MINPP1: variants seen among roughly 807,000 people sequenced by gnomAD.
The protein encoded by MINPP1 is multiple inositol-polyphosphate phosphatase 1, also known as multiple inositol polyphosphate phosphatase 1.
Under a neutral mutation model 46.1 loss-of-function variants are expected in MINPP1, and 28 were observed. That is an observed-to-expected ratio of 0.61 (90% CI 0.45 to 0.83). The LOEUF (loss-of-function observed/expected upper bound fraction) is 0.83. MINPP1 is among the 40% of genes least tolerant of loss of function. The probability of loss-of-function intolerance (pLI) is 0.00; values close to 1 mark genes in which losing one functional copy is unlikely to be tolerated. For missense variants in MINPP1, 603 were observed against 610.0 expected (o/e 0.99, Z 0.12); for synonymous variants, 268 against 249.1 (o/e 1.08, Z -0.72).
rs1391031889 is a variant in MINPP1 at position 87,516,629 on chromosome 10, A to G, written c.933+3408A>G. ...ACAAAGGAGAAAGTTAATTTGTAGGATAGCTTTTTTGCAATTTGTGTCTGC... is the reference window on the plus strand; with the variant it reads ...ACAAAGGAGAAAGTTAATTTGTAGGGTAGCTTTTTTGCAATTTGTGTCTGC... On this transcript the variant is annotated intron_variant, in intron 3 of 4. Coordinates refer to ENST00000371996, the MANE Select transcript of MINPP1 (RefSeq NM_004897.5). Among the ~76,000 whole-genome samples, 2 of 104,550 alleles carry G rather than the reference A, an allele frequency of 1.9e-5. 1 individual carries two copies. The highest frequency in any genetic ancestry group is 5.8e-5 in the African/African-American group (2 of 34,778). 68.6% of individuals were successfully genotyped at this position (104,550 alleles called of 152,430 possible).
chr10:87,542,845 G>C (rs1420044991), intron 4 of MINPP1, among the ~76,000 whole-genome samples: 1 of 152,160 alleles, frequency 6.6e-6, no homozygotes, highest in African/African-American at 2.4e-5. Context: ...TGGTACCAAG[G>C]CATGGGGCAC....
intron 4 of MINPP1, among the ~76,000 whole-genome samples, chr10:87,526,832 A>G (rs1371416782): frequency 6.6e-6 from 1 of 152,018 alleles, no homozygotes; most frequent in African/African-American, 2.4e-5. Context: ...TTTTTGTCAG[A>G]TTTGTCAAAG....
intron 3 of MINPP1, among the ~76,000 whole-genome samples, chr10:87,516,842 T>C (rs1203598016): frequency 6.6e-6 from 1 of 152,100 alleles, no homozygotes; most frequent in African/African-American, 2.4e-5. Context: ...ATTTTTTCTT[T>C]ATTACAGTAG....
intron 4 of MINPP1, among the ~76,000 whole-genome samples, chr10:87,523,509 C>G (rs1001240521): frequency 1.1e-5 from 1 of 88,488 alleles, no homozygotes; most frequent in Non-Finnish European, 2.2e-5. Context: ...TGCCACCACA[C>G]CCAGCTAATT....
At position 87,516,071 on chromosome 10, in the gene MINPP1, C is replaced by T. The variant is rs1368453334; in HGVS notation, c.933+2850C>T. Among the ~76,000 whole-genome samples, 12 of 59,450 alleles carry T rather than the reference C, an allele frequency of 2.0e-4. 2 individuals carry two copies. The highest frequency in any genetic ancestry group is 4.7e-4 in the African/African-American group (11 of 23,320). 39.0% of individuals were successfully genotyped at this position (59,450 alleles called of 152,430 possible). ...CTCGAACTCCTGAACTCAAGTGATC[C>T]GCCCGCCTCACCCTCCCAAAGTGCT... On this transcript the variant is annotated intron_variant, in intron 3 of 4. Coordinates refer to ENST00000371996, the MANE Select transcript of MINPP1 (RefSeq NM_004897.5).
At chr10:87,520,924 G>A (rs954688081) in intron 3 of MINPP1, 112 bp from the exon 4 acceptor site, 15 of 599,976 alleles carry the variant, frequency 2.5e-5, no homozygotes, top group African/African-American at 2.1e-4. Context: ...ACTATATTTT[G>A]TGCAGAATGG....
intron 4 of MINPP1, among the ~76,000 whole-genome samples, chr10:87,532,342 T>C (rs747493267): frequency 5.9e-5 from 9 of 152,274 alleles, no homozygotes; most frequent in Non-Finnish European, 1.2e-4. Context: ...GTCATTGCAC[T>C]GTGGCTCTTA....
chr10:87,520,014 A>T (rs1251451718), intron 3 of MINPP1, among the ~76,000 whole-genome samples: 1 of 150,828 alleles, frequency 6.6e-6, no homozygotes, highest in Admixed American at 6.6e-5. Context: ...ACCGTTTTCT[A>T]TACTTTTATA....
In MINPP1 at chr10:87,518,202, G is replaced by A. The variant is rs879355039; in HGVS notation, c.934-2834G>A. The stretch of plus-strand genomic sequence containing the variant: ...TCTCGATCTCCTGACCTCGCAATCC[G>A]CCTGTCTCAGCCTCCCAAAGTGCTG... On this transcript the variant is annotated intron_variant, in intron 3 of 4. Coordinates refer to ENST00000371996, the MANE Select transcript of MINPP1 (RefSeq NM_004897.5). Among the ~76,000 whole-genome samples, 6 of 148,294 alleles carry A rather than the reference G, an allele frequency of 4.0e-5. No individual in the cohort carries two copies. The East Asian group carries it at 6.0e-4, about 15-fold the overall frequency.
intron 4 of MINPP1, among the ~76,000 whole-genome samples, chr10:87,548,335 C>T (rs1381723140): frequency 6.6e-6 from 1 of 152,144 alleles, no homozygotes; most frequent in Non-Finnish European, 1.5e-5. Context: ...CCTCCCCTCC[C>T]CCTCCAAGAA....
intron 3 of MINPP1, among the ~76,000 whole-genome samples, chr10:87,519,956 C>G (rs918602289): frequency 3.9e-5 from 6 of 151,976 alleles, no homozygotes; most frequent in African/African-American, 1.5e-4. Flanking sequence ...CGGTTCCAGA[C>G]CTTTCAGCAG....
intron 4 of MINPP1, among the ~76,000 whole-genome samples, chr10:87,536,740 C>A (rs1000725342): frequency 6.6e-6 from 1 of 152,084 alleles, no homozygotes; most frequent in East Asian, 1.9e-4. Flanking sequence ...TAGTTCATTC[C>A]TTTTTAAGAC....
chr10:87,507,777 G>A, intron 1 of MINPP1: 1 of 961,258 alleles, frequency 1.0e-6, no homozygotes, highest in Non-Finnish European at 1.2e-6. Flanking sequence ...TCAGTTAAAA[G>A]ATAAACCAAT....
Position 87,525,779 on chromosome 10 carries a change from C to A in MINPP1, c.1067+4610C>A, listed in dbSNP as rs117434565. On this transcript the variant is annotated intron_variant, in intron 4 of 4. Coordinates refer to ENST00000371996, the MANE Select transcript of MINPP1 (RefSeq NM_004897.5). ...TGTCAAGTGCTCTCATTGTTCAGTT[C>A]CCACCTATGAGTGAAAACATGCAGT... Among the ~76,000 whole-genome samples, 13 of 152,318 alleles carry A rather than the reference C, an allele frequency of 8.5e-5. No individual in the cohort carries two copies. In the South Asian group the frequency reaches 2.3e-3, roughly 27 times the overall value.
intron 3 of MINPP1, among the ~76,000 whole-genome samples, chr10:87,513,747 C>T (rs138844710): frequency 2.7e-3 from 412 of 152,154 alleles, no homozygotes; most frequent in African/African-American, 9.6e-3. Context: ...TATTAGTTTC[C>T]TATTGGTGCT....
chr10:87,528,466 A>G (rs890246591), intron 4 of MINPP1, among the ~76,000 whole-genome samples: 1 of 152,148 alleles, frequency 6.6e-6, no homozygotes, highest in African/African-American at 2.4e-5. Context: ...TTCGTTATGT[A>G]CCCAGTAGTC....
At chr10:87,548,094 G>C (rs1055341504) in intron 4 of MINPP1, among the ~76,000 whole-genome samples, 2 of 152,222 alleles carry the variant, frequency 1.3e-5, no homozygotes, top group Non-Finnish European at 1.5e-5. Flanking sequence ...CTGTATCATA[G>C]AGTAAGCAAT....
intron 1 of MINPP1, among the ~76,000 whole-genome samples, chr10:87,506,308 T>C (rs549068970): frequency 3.9e-5 from 6 of 152,318 alleles, no homozygotes; most frequent in African/African-American, 1.4e-4. Flanking sequence ...CTTAATTGTC[T>C]TTCTCTAAGG....
intron 4 of MINPP1, among the ~76,000 whole-genome samples, chr10:87,548,381 G>A (rs1424029819): frequency 6.6e-6 from 1 of 152,120 alleles, no homozygotes; most frequent in Non-Finnish European, 1.5e-5. Flanking sequence ...GGCATGAAAT[G>A]ACAGAGCCTG....
Sources: allele counts gnomAD v4.1 joint callset (sites outside exome capture counted in the v4.1 genomes callset), GRCh38; gene constraint gnomAD v4.1.1; transcripts MANE v1.5; gene names NCBI Gene and HGNC (gene_info 2026-07-23, HGNC 2026-07-21).